Variants in DHX8 observed in about 807,000 individuals in gnomAD.
The protein encoded by DHX8 is ATP-dependent RNA helicase DHX8.
A neutral mutation model predicts 140.7 loss-of-function variants in DHX8; 67 were observed. That is an observed-to-expected ratio of 0.48 (90% CI 0.39 to 0.58). The LOEUF is 0.58. Ranked by LOEUF, DHX8 falls within the 20% of genes least tolerant of loss-of-function variation. DHX8 has a pLI of 0.00. For synonymous variants in DHX8, 533 were observed against 553.2 expected (o/e 0.96, Z 0.51); for missense variants, 887 against 1,550.7 (o/e 0.57, Z 7.19).
intron 17 of DHX8, 141 bp downstream of exon 17, chr17:43,513,643 T>C (rs753788835): frequency 1.4e-6 from 1 of 709,428 alleles, no homozygotes; most frequent in Non-Finnish European, 2.1e-6. Flanking sequence ...GAGGGAAGGA[T>C]TTTTTGTTAT....
At chr17:43,529,396 A>T, downstream of DHX8, 1 of 1,430,020 alleles carries the variant, frequency 7.0e-7, no homozygotes, top group Non-Finnish European at 9.6e-7. Context: ...AATTCAGGTT[A>T]GGTAAAGCAA....
intron 20 of DHX8, 85 bp downstream of exon 20, chr17:43,520,964 C>CTTTTTTTT (rs10672223): frequency 3.5e-5 from 14 of 399,636 alleles, no homozygotes; most frequent in African/African-American, 3.5e-4. Flanking sequence ...TTGATGTGGA[C>CTTTTTTTT]TTTTTTTTTT....
chr17:43,500,329 A>G (rs1006546186), intron 11 of DHX8, among the ~76,000 whole-genome samples: 1 of 152,102 alleles, frequency 6.6e-6, no homozygotes, highest in Non-Finnish European at 1.5e-5. Flanking sequence ...TACTAAAAAA[A>G]TACAAAAGTT....
At chr17:43,497,232 C>A (rs186027702) in intron 9 of DHX8, among the ~76,000 whole-genome samples, 58 of 151,892 alleles carry the variant, frequency 3.8e-4, no homozygotes, top group Middle Eastern at 6.8e-3. Flanking sequence ...TTTTGACTTA[C>A]ATATTTTTGA....
chr17:43,515,116 CT>C (rs1368468848), intron 17 of DHX8, among the ~76,000 whole-genome samples: 1 of 151,844 alleles, frequency 6.6e-6, no homozygotes, highest in East Asian at 1.9e-4. Context: ...GTATGTATTA[CT>C]TTCATAATTT....
At chr17:43,514,919 A>G (rs2154586798) in intron 17 of DHX8, among the ~76,000 whole-genome samples, 1 of 152,328 alleles carries the variant, frequency 6.6e-6, no homozygotes, top group East Asian at 1.9e-4. Flanking sequence ...AACAGCATGA[A>G]TGGTATAATC....
At chr17:43,505,578 T>C (rs1456113908) in intron 12 of DHX8, among the ~76,000 whole-genome samples, 1 of 152,020 alleles carries the variant, frequency 6.6e-6, no homozygotes, top group African/African-American at 2.4e-5. Context: ...CACAAATGTT[T>C]GTGTGTGCGT....
At chr17:43,502,712 C>G (rs1300150409) in intron 11 of DHX8, among the ~76,000 whole-genome samples, 3 of 152,176 alleles carry the variant, frequency 2.0e-5, no homozygotes, top group African/African-American at 4.8e-5. Flanking sequence ...TGGTGAGCCA[C>G]CGTGCCTAGC....
intron 18 of DHX8, chr17:43,518,761 C>T (rs1041393775): frequency 3.3e-5 from 5 of 152,170 alleles, no homozygotes; most frequent in African/African-American, 1.2e-4. Context: ...CCCCTTTCCC[C>T]CTTCCTCTAT....
intron 1 of DHX8, among the ~76,000 whole-genome samples, chr17:43,485,857 A>G (rs36084246): frequency 0.013 from 1,934 of 152,340 alleles, 47 homozygotes; most frequent in African/African-American, 0.045. Flanking sequence ...ACCCACAAAT[A>G]TGCTTTTTCT....
chr17:43,489,569 T>C, intron 2 of DHX8, 35 bp downstream of exon 2: 2 of 1,368,472 alleles, frequency 1.5e-6, no homozygotes, highest in Non-Finnish European at 2.1e-6. Context: ...CTGTAGATAT[T>C]AATGTTTTAA....
Position 43,525,147 on chromosome 17 carries a change from T to G in DHX8, c.*1300T>G. The G allele has an allele frequency of 3.0e-6, 3 of 985,420 alleles. No individual in the cohort carries two copies. In the South Asian group the frequency reaches 1.4e-4, roughly 46 times the overall value. The allele number at this position is 985,420 out of a possible 1,614,324, so 61.0% of individuals were successfully genotyped here. On this transcript the variant is annotated 3_prime_UTR_variant, in exon 23 of 23. Transcript: ENST00000262415. ...TCAGGCAGGTCTTGCCAGGCCAGGTTTCGGAACTTACGGAAAGCTGGTCTG... is the reference window on the plus strand; with the variant it reads ...TCAGGCAGGTCTTGCCAGGCCAGGTGTCGGAACTTACGGAAAGCTGGTCTG...
chr17:43,489,476 A>G lies in DHX8; in HGVS notation c.176A>G (p.Lys59Arg), dbSNP rs778527782. 2.5e-6 allele frequency: 4 copies of G among 1,611,120 alleles called. No individual in the cohort carries two copies. Among genetic ancestry groups the G allele is most frequent in the African/African-American group, 2.7e-5 (2 of 72,806 alleles). ...GAATTTGTGATCAGTCTTGCTGAGA[A>G]AAATACCACCTTTGATACTTTTAAG... ...LAEFVISLAE[K>R]NTTFDTFKAS... Residue 59 changes from lysine to arginine, a missense_variant, in exon 2 of 23, where the codon AAA becomes AGA. By Grantham distance (26) the Lys-to-Arg change is conservative. Transcript: ENST00000262415.
At chr17:43,486,288 G>T (rs1968141142) in intron 1 of DHX8, among the ~76,000 whole-genome samples, 1 of 151,430 alleles carries the variant, frequency 6.6e-6, no homozygotes, top group South Asian at 2.1e-4. Context: ...TAACAGAAAG[G>T]CATATATTTG....
chr17:43,497,017 C>T (rs1332319897), intron 9 of DHX8, among the ~76,000 whole-genome samples: 2 of 152,124 alleles, frequency 1.3e-5, no homozygotes, highest in Non-Finnish European at 2.9e-5. Flanking sequence ...CACCACCCAG[C>T]TTAAGAAGTA....
chr17:43,544,794 AGT>A (rs1296947096), downstream of DHX8: 2 of 596,238 alleles, frequency 3.4e-6, no homozygotes, highest in Non-Finnish European at 6.1e-6. Flanking sequence ...TATCAATATA[AGT>A]GTCCACGCTG....
chr17:43,525,752 A>G (rs958782473), downstream of DHX8: 14 of 985,402 alleles, frequency 1.4e-5, no homozygotes, highest in Non-Finnish European at 1.6e-5. Context: ...CTACAGGTGC[A>G]TGCCACCACA....
rs767128174 is a variant in DHX8, at chr17:43,523,772, G to A, written c.3588G>A (p.Gln1196=). 2 of 1,614,228 alleles carry A rather than the reference G, an allele frequency of 1.2e-6. No homozygotes were observed. The highest frequency in any genetic ancestry group is 2.2e-5 in the East Asian group (1 of 44,886). Residue 1196 remains glutamine, a synonymous_variant, in exon 23 of 23, where the codon CAG becomes CAA. Coordinates refer to ENST00000262415, the MANE Select transcript of DHX8 (RefSeq NM_004941.3). ...PTKLSKQKKQ[Q]RLEPLYNRYE... The stretch of plus-strand genomic sequence containing the variant: ...AGCTAAGCAAACAGAAGAAGCAACA[G>A]CGTCTTGAACCCTTGTACAACCGCT...
At chr17:43,518,424 G>C (rs914540777) in intron 18 of DHX8, 3 of 152,016 alleles carry the variant, frequency 2.0e-5, no homozygotes, top group Non-Finnish European at 2.9e-5. Context: ...GTGGTTTTGT[G>C]AACATAGTTT....
Sources: gnomAD v4.1 joint callset for allele counts (sites outside exome capture counted in the v4.1 genomes callset) on GRCh38, gnomAD v4.1.1 for gene constraint, MANE v1.5 for transcripts, NCBI Gene and HGNC (gene_info 2026-07-23, HGNC 2026-07-21) for gene names.